TMEM138: variants seen among roughly 807,000 people sequenced by gnomAD.
TMEM138 encodes transmembrane protein 138.
TMEM138 carries 9 observed loss-of-function variants against 18.1 expected under a neutral mutation model. The observed-to-expected ratio is 0.50, with a 90% confidence interval of 0.30 to 0.87. The LOEUF (loss-of-function observed/expected upper bound fraction) is 0.87. Ranked by LOEUF, TMEM138 falls within the 40% of genes least tolerant of loss-of-function variation. TMEM138 has a pLI of 0.06. For synonymous variants in TMEM138, 79 were observed against 74.8 expected (o/e 1.06, Z -0.29); for missense variants, 189 against 190.6 (o/e 0.99, Z 0.05).
chr11:61,369,259 G>A lies in TMEM138; in HGVS notation c.*550G>A, dbSNP rs1387773362. 1 of 152,930 alleles carries A rather than the reference G, an allele frequency of 6.5e-6. No homozygotes were observed. Among genetic ancestry groups the A allele is most frequent in the African/African-American group, 2.4e-5 (1 of 41,450 alleles). 9.5% of individuals were successfully genotyped at this position (152,930 alleles called of 1,614,324 possible). A position where few individuals can be genotyped will look rare whatever the true frequency, so the allele number is the denominator to read the frequency against. Reference sequence around the variant, plus strand: ...TAGATCTCTTCATGTTAAGAGGCGTGCCAAGGTCCAGCTTAACATCTACTT... The same window carrying A: ...TAGATCTCTTCATGTTAAGAGGCGTACCAAGGTCCAGCTTAACATCTACTT... On this transcript the variant is annotated 3_prime_UTR_variant, in exon 5 of 5. Transcript: ENST00000278826.
At chr11:61,374,911 C>T (rs563999628), downstream of TMEM138, among the ~76,000 whole-genome samples, 17 of 152,232 alleles carry the variant, frequency 1.1e-4, 1 homozygote, top group South Asian at 3.5e-3. Context: ...GAGCTGAGAT[C>T]GCGCCACTGA....
downstream of TMEM138, among the ~76,000 whole-genome samples, chr11:61,371,770 A>G (rs1858350062): frequency 6.6e-6 from 1 of 152,238 alleles, no homozygotes; most frequent in Admixed American, 6.5e-5. Context: ...AGAGACATAA[A>G]TCAATAGACG....
At chr11:61,375,319 T>C (rs1274705778), downstream of TMEM138, among the ~76,000 whole-genome samples, 3 of 7,886 alleles carry the variant, frequency 3.8e-4, no homozygotes, top group Non-Finnish European at 3.1e-3. Context: ...TGAGTATTCT[T>C]TTTTTTTTTT....
At chr11:61,370,334 A>C (rs1254338897), downstream of TMEM138, among the ~76,000 whole-genome samples, 1 of 152,112 alleles carries the variant, frequency 6.6e-6, no homozygotes, top group African/African-American at 2.4e-5. Context: ...GATATTTTGG[A>C]CCTCCTAAGG....
downstream of TMEM138, among the ~76,000 whole-genome samples, chr11:61,374,791 A>G (rs185889310): frequency 8.5e-5 from 13 of 152,298 alleles, no homozygotes; most frequent in Admixed American, 8.5e-4. Flanking sequence ...TCTACTAAAA[A>G]TACAAAAATT....
At position 61,367,972 on chromosome 11, in the gene TMEM138, A is replaced by C; in HGVS notation, c.350A>C (p.Gln117Pro). The C allele has an allele frequency of 6.2e-7, 1 of 1,613,522 alleles. No individual in the cohort carries two copies. Among genetic ancestry groups the C allele is most frequent in the Non-Finnish European group, 8.5e-7 (1 of 1,179,428 alleles). Residue 117 changes from glutamine (Q) to proline (P), a missense_variant, in exon 4 of 5, where the codon CAA (glutamine) becomes CCA (proline). Gln to Pro is a moderately conservative substitution (Grantham distance 76). Coordinates refer to ENST00000278826, the MANE Select transcript of TMEM138 (RefSeq NM_016464.5). ...SNSFIWTDGL[Q>P]MLFVFQRLAA... ...AGCTTCATATGGACAGATGGACTTCAAATGCTGTTTGTATTCCAGAGACTA... is the reference window on the plus strand; with the variant it reads ...AGCTTCATATGGACAGATGGACTTCCAATGCTGTTTGTATTCCAGAGACTA...
At chr11:61,375,012 A>G (rs759631567), downstream of TMEM138, among the ~76,000 whole-genome samples, 1 of 152,154 alleles carries the variant, frequency 6.6e-6, no homozygotes, top group Non-Finnish European at 1.5e-5. Context: ...AAGGTTTCTG[A>G]TAACTTTAGA....
downstream of TMEM138, among the ~76,000 whole-genome samples, chr11:61,374,123 C>T (rs1289957288): frequency 4.0e-5 from 6 of 148,652 alleles, no homozygotes; most frequent in Admixed American, 3.4e-4. Flanking sequence ...GATTACAGGC[C>T]TGAGCCACTG....
At chr11:61,365,941 T>A in intron 2 of TMEM138, 104 bp from the exon 3 acceptor site, 1 of 1,392,558 alleles carries the variant, frequency 7.2e-7, no homozygotes. Context: ...CAGATGCCTA[T>A]CTCACAACAA....
At chr11:61,365,040 T>C (rs1565077362) in intron 2 of TMEM138, among the ~76,000 whole-genome samples, 1 of 151,184 alleles carries the variant, frequency 6.6e-6, no homozygotes, top group Admixed American at 6.6e-5. Context: ...ATACAAAAAT[T>C]AGATGGGCGT....
downstream of TMEM138, among the ~76,000 whole-genome samples, chr11:61,372,679 G>A (rs745468147): frequency 2.6e-5 from 4 of 151,794 alleles, no homozygotes; most frequent in African/African-American, 2.4e-5. Flanking sequence ...CCAGCTACTC[G>A]GGAGGCTGAG....
downstream of TMEM138, among the ~76,000 whole-genome samples, chr11:61,374,110 T>C (rs1858402756): frequency 6.6e-6 from 1 of 151,348 alleles, no homozygotes; most frequent in Non-Finnish European, 1.5e-5. Flanking sequence ...CCCAAAGTTC[T>C]GGGATTACAG....
intron 3 of TMEM138, chr11:61,367,643 T>C: frequency 2.9e-6 from 1 of 341,692 alleles, no homozygotes. Context: ...CCAGCTGAAC[T>C]CCTGAGATAA....
chr11:61,374,928 G>C (rs1399317154), downstream of TMEM138, among the ~76,000 whole-genome samples: 1 of 152,162 alleles, frequency 6.6e-6, no homozygotes, highest in East Asian at 1.9e-4. Flanking sequence ...CTGAACTTCA[G>C]CCTGGTGTCA....
chr11:61,373,785 T>C (rs1858396611), downstream of TMEM138, among the ~76,000 whole-genome samples: 2 of 152,082 alleles, frequency 1.3e-5, no homozygotes, highest in African/African-American at 4.8e-5. Context: ...TGTATAAATA[T>C]GCTGTTGGAT....
intron 2 of TMEM138, 79 bp downstream of exon 2, chr11:61,364,597 GTTA>G (rs1858070911): frequency 1.9e-6 from 3 of 1,581,098 alleles, no homozygotes; most frequent in Non-Finnish European, 2.6e-6. Flanking sequence ...GTGTCTTAAA[GTTA>G]TTAGTAGGCT....
chr11:61,365,845 G>A (rs1858124147), intron 2 of TMEM138, 200 bp from the exon 3 acceptor site: 2 of 527,084 alleles, frequency 3.8e-6, no homozygotes, highest in East Asian at 6.7e-5. Flanking sequence ...CCCAACTGAT[G>A]GGGCCAGTGG....
At chr11:61,374,889 G>A (rs543462282), downstream of TMEM138, among the ~76,000 whole-genome samples, 14 of 152,256 alleles carry the variant, frequency 9.2e-5, no homozygotes, top group East Asian at 3.9e-4. Flanking sequence ...CCTGGGAGGC[G>A]GAGGCTGCAG....
At chr11:61,376,516 A>AT (rs928935482), downstream of TMEM138, among the ~76,000 whole-genome samples, 2 of 152,224 alleles carry the variant, frequency 1.3e-5, no homozygotes, top group Admixed American at 6.5e-5. Context: ...TAATGTTTTC[A>AT]TTTTTTTCTT....
Sources: allele counts gnomAD v4.1 joint callset (sites outside exome capture counted in the v4.1 genomes callset), GRCh38; gene constraint gnomAD v4.1.1; transcripts MANE v1.5; gene names NCBI Gene and HGNC (gene_info 2026-07-23, HGNC 2026-07-21).